Variants in DCLRE1C observed in about 807,000 individuals in gnomAD.
The protein encoded by DCLRE1C is protein artemis.
DCLRE1C carries 47 observed loss-of-function variants against 61.4 expected under a neutral mutation model. That is an observed-to-expected ratio of 0.77 (90% CI 0.61 to 0.98). The LOEUF is 0.98. Among genes scored for constraint, DCLRE1C ranks in the 50% least tolerant of loss-of-function variants. The pLI, the probability that DCLRE1C is intolerant of heterozygous loss-of-function variation, is 0.00. For missense variants in DCLRE1C, 858 were observed against 816.0 expected, an observed-to-expected ratio of 1.05 and a Z score of -0.63; for synonymous variants, 337 against 287.6, an observed-to-expected ratio of 1.17 and a Z score of -1.74.
In DCLRE1C at chr10:14,953,932, G is replaced by A. The variant is rs1425360160; in HGVS notation, c.79C>T (p.Arg27Cys). ...DRFDRENLRA[R>C]AYFLSHCHKD... ...TGGCAGTGGGACAGGAAGTAGGCGC[G>A]GGCCCTCAGGTTCTCCCTATCGAAG... Residue 27 changes from arginine (R) to cysteine (C), a missense_variant, in exon 1 of 14, where the codon CGC becomes TGC. Arg to Cys is a radical substitution (Grantham distance 180). Coordinates refer to ENST00000378278, the MANE Select transcript of DCLRE1C (RefSeq NM_001033855.3). 2 of 1,614,046 alleles carry A rather than the reference G, an allele frequency of 1.2e-6. No homozygotes were observed. The highest frequency in any genetic ancestry group is 1.1e-5 in the South Asian group (1 of 91,086).
At chr10:14,902,437 C>G (rs1834090112), downstream of DCLRE1C, 4 of 1,610,940 alleles carry the variant, frequency 2.5e-6, no homozygotes, top group Admixed American at 5.0e-5. Context: ...ATTCTATTGA[C>G]CACAGCCCAG....
At chr10:14,899,125 G>C (rs1833810172) in exon 14 of DCLRE1C, 1 of 666,698 alleles carries the variant, frequency 1.5e-6, no homozygotes, top group South Asian at 1.6e-5. Flanking sequence ...TTCCAGACCA[G>C]TGTGGGCAAC....
At chr10:14,937,795 G>C (rs1250587951) in intron 4 of DCLRE1C, among the ~76,000 whole-genome samples, 2 of 150,832 alleles carry the variant, frequency 1.3e-5, no homozygotes, top group Non-Finnish European at 2.9e-5. Flanking sequence ...TCAGGAGGCT[G>C]AGGCAAGAGA....
chr10:14,926,972 T>C (rs1838107503), intron 10 of DCLRE1C, 75 bp from the exon 11 acceptor site: 1 of 1,281,378 alleles, frequency 7.8e-7, no homozygotes, highest in Non-Finnish European at 1.1e-6. Context: ...GCCCTTCTCA[T>C]TTAGGCTATT....
rs190261505 is a variant in DCLRE1C, at chr10:14,933,061, T to C, written c.679-106A>G. Reference sequence around the variant, plus strand: ...ACACCCAGTTAGTGAATTAACCCTCTCTTCTTTCTTGAAAAGTAGTTTTTG... The same window carrying C: ...ACACCCAGTTAGTGAATTAACCCTCCCTTCTTTCTTGAAAAGTAGTTTTTG... On this transcript the variant is annotated intron_variant, in intron 8 of 13. Transcript: ENST00000378278. 3.5e-5 allele frequency: 45 copies of C among 1,272,682 alleles called. No individual in the cohort carries two copies. The East Asian group carries it at 1.1e-3, about 30-fold the overall frequency. 78.8% of individuals were successfully genotyped at this position (1,272,682 alleles called of 1,614,324 possible).
chr10:14,953,084 A>G (rs535342423), intron 1 of DCLRE1C, among the ~76,000 whole-genome samples: 9 of 152,296 alleles, frequency 5.9e-5, no homozygotes, highest in African/African-American at 1.9e-4. Context: ...GGAGGCAGCA[A>G]CTCCAGTGAT....
At chr10:14,923,931 G>A (rs1837532718) in intron 11 of DCLRE1C, among the ~76,000 whole-genome samples, 1 of 152,214 alleles carries the variant, frequency 6.6e-6, no homozygotes, top group Non-Finnish European at 1.5e-5. Context: ...CTGGTCTCCA[G>A]TGACCAGTGT....
At chr10:14,948,950 A>C in intron 2 of DCLRE1C, 86 bp downstream of exon 2, 2 of 928,962 alleles carry the variant, frequency 2.2e-6, no homozygotes, top group South Asian at 2.7e-5. Flanking sequence ...AAATGACTAT[A>C]TGCTTGGATG....
At chr10:14,934,565 C>T (rs1018806106) in intron 7 of DCLRE1C, 45 bp from the exon 8 acceptor site, 1 of 1,613,958 alleles carries the variant, frequency 6.2e-7, no homozygotes, top group Non-Finnish European at 8.5e-7. Flanking sequence ...GAGAGCCGCA[C>T]ATAGCCTTTT....
chr10:14,926,135 G>A (rs1224287918), intron 11 of DCLRE1C, among the ~76,000 whole-genome samples: 2 of 152,128 alleles, frequency 1.3e-5, no homozygotes, highest in Non-Finnish European at 2.9e-5. Context: ...TACCCATCTC[G>A]GGCATGTCCT....
chr10:14,928,399 C>T lies in DCLRE1C; in HGVS notation c.781-247G>A, dbSNP rs377399665. On this transcript the variant is annotated intron_variant, in intron 9 of 13. Coordinates refer to ENST00000378278, the MANE Select transcript of DCLRE1C (RefSeq NM_001033855.3). ...GAAGACAAGCAAAAGGCTAGACAAA[C>T]GATCTATATATCAAAGGAGACCCTT... 1.4e-4 allele frequency among the ~76,000 whole-genome samples: 21 copies of T among 152,214 alleles called. No individual in the cohort carries two copies. The South Asian group carries it at 2.3e-3, about 17-fold the overall frequency.
chr10:14,931,325 C>G (rs899363293), intron 9 of DCLRE1C, among the ~76,000 whole-genome samples: 3 of 152,054 alleles, frequency 2.0e-5, no homozygotes, highest in Non-Finnish European at 4.4e-5. Flanking sequence ...CTTTGGGAGG[C>G]CAAGGTGTGT....
At chr10:14,909,953 T>TA (rs1473764211) in intron 13 of DCLRE1C, among the ~76,000 whole-genome samples, 1 of 152,214 alleles carries the variant, frequency 6.6e-6, no homozygotes, top group Non-Finnish European at 1.5e-5. Flanking sequence ...CAAATGTTCT[T>TA]AAAATGAAAA....
intron 5 of DCLRE1C, among the ~76,000 whole-genome samples, chr10:14,936,289 A>G (rs1157742033): frequency 2.0e-5 from 3 of 151,528 alleles, no homozygotes; most frequent in Non-Finnish European, 4.4e-5. Flanking sequence ...AAATGACTAG[A>G]AAAAAAATCA....
At position 14,946,102 on chromosome 10, in the gene DCLRE1C, G is replaced by A. The variant is rs373102162; in HGVS notation, c.162-913C>T. 5.3e-5 allele frequency among the ~76,000 whole-genome samples: 8 copies of A among 150,372 alleles called. No homozygotes were observed. The East Asian group carries it at 7.9e-4, about 15-fold the overall frequency. On this transcript the variant is annotated intron_variant, in intron 2 of 13. Transcript: ENST00000378278. The stretch of plus-strand genomic sequence containing the variant: ...GGCTCAAAGCAACCTTCCGCCTCCC[G>A]GGTTCAAGCGATTCTCCTGTCTTAG...
intron 3 of DCLRE1C, among the ~76,000 whole-genome samples, chr10:14,943,996 A>G (rs1174752591): frequency 6.6e-6 from 1 of 151,720 alleles, no homozygotes; most frequent in African/African-American, 2.4e-5. Flanking sequence ...CCCCTTGACT[A>G]CCTCATATTG....
chr10:14,904,998 G>C lies in DCLRE1C; in HGVS notation c.*3410C>G, dbSNP rs979897520. ...TAGTTGTTTCTCTTTTAGTTCATCAGTTTCTCTTAGCAAAATAAATTAGGT... is the reference window on the plus strand; with the variant it reads ...TAGTTGTTTCTCTTTTAGTTCATCACTTTCTCTTAGCAAAATAAATTAGGT... On this transcript the variant is annotated 3_prime_UTR_variant, in exon 14 of 14. Coordinates refer to ENST00000378278, the MANE Select transcript of DCLRE1C (RefSeq NM_001033855.3). 2.0e-5 allele frequency among the ~76,000 whole-genome samples: 3 copies of C among 152,160 alleles called. No individual in the cohort carries two copies. The highest frequency in any genetic ancestry group is 2.1e-4 in the South Asian group (1 of 4,832).
At chr10:14,926,935 G>A (rs1200868854) in intron 10 of DCLRE1C, 38 bp from the exon 11 acceptor site, 2 of 1,573,650 alleles carry the variant, frequency 1.3e-6, no homozygotes, top group Admixed American at 3.3e-5. Flanking sequence ...AAAGATCACT[G>A]AGCAAAACTA....
intron 1 of DCLRE1C, among the ~76,000 whole-genome samples, chr10:14,951,956 TC>T (rs1320059501): frequency 6.6e-6 from 1 of 152,122 alleles, no homozygotes; most frequent in African/African-American, 2.4e-5. Context: ...GTGAGAAACC[TC>T]CAAAAGCAGA....
Sources: gnomAD v4.1 joint callset for allele counts (sites outside exome capture counted in the v4.1 genomes callset) on GRCh38, gnomAD v4.1.1 for gene constraint, MANE v1.5 for transcripts, NCBI Gene and HGNC (gene_info 2026-07-23, HGNC 2026-07-21) for gene names.